The following NRAS variants were observed in gnomAD, a reference collection of about 807,000 sequenced individuals.
NRAS encodes NRAS proto-oncogene, GTPase.
In NRAS, 6 loss-of-function variants were observed where a neutral mutation model predicts 21.3. The ratio of observed to expected loss-of-function variants is 0.28; its 90% CI spans 0.15 to 0.56. NRAS has a LOEUF of 0.56. Among genes scored for constraint, NRAS ranks in the 20% least tolerant of loss-of-function variants. NRAS has a pLI of 0.93. For missense variants in NRAS, 143 were observed against 231.3 expected (o/e 0.62, Z 2.48); for synonymous variants, 84 against 82.0 (o/e 1.02, Z -0.13).
intron 3 of NRAS, among the ~76,000 whole-genome samples, chr1:114,710,537 AAAGAG>A (rs1291145427): frequency 2.0e-5 from 3 of 151,292 alleles, no homozygotes; most frequent in Non-Finnish European, 4.4e-5. Flanking sequence ...AAAGAAAAGA[AAAGAG>A]AAAAGAAAAA....
rs758182152 is a variant in NRAS, at chr1:114,713,924, G to A, written c.166C>T (p.Leu56=). 1.9e-6 allele frequency: 3 copies of A among 1,569,048 alleles called. No individual in the cohort carries two copies. Among genetic ancestry groups the A allele is most frequent in the South Asian group, 2.2e-5 (2 of 90,320 alleles). The part of the protein sequence containing the change: ...IDGETCLLDI[L]DTAGQEEYSA... ...TACTCTTCTTGTCCAGCTGTATCCA[G>A]TATGTCCAACAAACAGGTTTCACCA... is the stretch of plus-strand genomic sequence containing the variant. The change falls in exon 3 of 7, where the codon CTG becomes TTG. Residue 56 remains leucine (L), a synonymous_variant. Transcript: ENST00000369535.
rs200604652 is a variant in NRAS, at chr1:114,713,984, G to T, written c.112-6C>A. 6.3e-7 allele frequency: 1 copy of T among 1,583,996 alleles called. No individual in the cohort carries two copies. The highest frequency in any genetic ancestry group is 1.1e-5 in the South Asian group (1 of 89,546). On this transcript the variant is annotated splice_polypyrimidine_tract_variant and splice_region_variant and intron_variant, in intron 2 of 6. Transcript: ENST00000369535. ...ACTTGTTTTCTGTAAGAATCCTGGG[G>T]GTGTGGAGGGTAAGGGGGCAGGGAG...
At chr1:114,716,011 GAGAC>G (rs1344656658) in intron 2 of NRAS, 35 bp downstream of exon 2, 5 of 1,187,208 alleles carry the variant, frequency 4.2e-6, no homozygotes, top group Non-Finnish European at 6.3e-6. Context: ...CGACAAGTGA[GAGAC>G]AGGATCAGGT....
chr1:114,716,327 G>C, intron 1 of NRAS, 150 bp from the exon 2 acceptor site: 1 of 680,876 alleles, frequency 1.5e-6, no homozygotes, highest in Non-Finnish European at 2.7e-6. Flanking sequence ...GATTAATATC[G>C]GCCTCACACT....
intron 5 of NRAS, 114 bp from the exon 6 acceptor site, chr1:114,708,306 T>G (rs1410968585): frequency 8.8e-6 from 5 of 571,016 alleles, no homozygotes; most frequent in Middle Eastern, 3.6e-4. Context: ...AAATAATGTC[T>G]TATAATTTCT....
Position 114,706,986 on chromosome 1 carries a change from G to A in NRAS, c.*1108C>T, listed in dbSNP as rs1658933374. 6.6e-6 allele frequency: 1 copy of A among 152,600 alleles called. No individual in the cohort carries two copies. The highest frequency in any genetic ancestry group is 2.4e-5 in the African/African-American group (1 of 41,432). The allele number at this position is 152,600 out of a possible 1,614,324, so 9.5% of individuals were successfully genotyped here. On this transcript the variant is annotated 3_prime_UTR_variant, in exon 7 of 7. Transcript: ENST00000369535. The stretch of plus-strand genomic sequence containing the variant: ...TGTAATTTGTTAATATACTATATTT[G>A]AGGTTTGAAAATCACTGATCACAGC...
intron 3 of NRAS, among the ~76,000 whole-genome samples, chr1:114,710,269 TTA>T (rs1659016074): frequency 1.2e-5 from 1 of 83,234 alleles, no homozygotes; most frequent in African/African-American, 4.4e-5. Flanking sequence ...AAATATATAT[TTA>T]TATATAATTT....
Position 114,709,670 on chromosome 1 carries a change from T to TA in NRAS, c.348_349insT (p.Lys117Ter). The stretch of plus-strand genomic sequence containing the variant: ...ACTGTCCTTGTTGGCAAATCACACT[T>TA]GTTTCCCACTAGCACCATAGGTACA... On this transcript the variant is annotated frameshift_variant, in exon 4 of 7. Coordinates refer to ENST00000369535, the MANE Select transcript of NRAS (RefSeq NM_002524.5). LOFTEE classifies it high-confidence loss of function. 1 of 1,613,496 alleles carries TA rather than the reference T, an allele frequency of 6.2e-7. No individual in the cohort carries two copies. The highest frequency in any genetic ancestry group is 8.5e-7 in the Non-Finnish European group (1 of 1,179,402).
At chr1:114,716,544 C>T (rs765433432) in intron 1 of NRAS, 114 bp downstream of exon 1, 8 of 352,930 alleles carry the variant, frequency 2.3e-5, no homozygotes, top group Non-Finnish European at 4.4e-5. Context: ...ATGGAAGGAC[C>T]CCCGCCCAAG....
intron 3 of NRAS, among the ~76,000 whole-genome samples, chr1:114,711,018 G>A (rs1659033373): frequency 6.6e-6 from 1 of 152,168 alleles, no homozygotes. Flanking sequence ...ATAAATTGTA[G>A]ATGAAGCTGG....
At chr1:114,713,752 T>C (rs2101741619) in intron 3 of NRAS, 48 bp downstream of exon 3, 1 of 1,491,778 alleles carries the variant, frequency 6.7e-7, no homozygotes, top group African/African-American at 1.4e-5. Flanking sequence ...CCCATAAAGA[T>C]TCAGAACACA....
intron 2 of NRAS, 80 bp from the exon 3 acceptor site, chr1:114,714,058 T>C (rs984691435): frequency 2.0e-5 from 18 of 905,966 alleles, no homozygotes; most frequent in Non-Finnish European, 2.7e-5. Flanking sequence ...GCAATGCTAT[T>C]GCCAAGGTTA....
intron 3 of NRAS, among the ~76,000 whole-genome samples, chr1:114,710,538 A>G (rs187191606): frequency 6.6e-6 from 1 of 151,548 alleles, no homozygotes; most frequent in East Asian, 1.9e-4. Flanking sequence ...AAGAAAAGAA[A>G]AGAGAAAAGA....
Position 114,707,482 on chromosome 1 carries a change from G to C in NRAS, c.*612C>G, listed in dbSNP as rs935328035. 3.3e-5 allele frequency: 5 copies of C among 152,540 alleles called. No individual in the cohort carries two copies. The highest frequency in any genetic ancestry group is 2.6e-4 in the Admixed American group (4 of 15,276). 9.4% of individuals were successfully genotyped at this position (152,540 alleles called of 1,614,324 possible). On this transcript the variant is annotated 3_prime_UTR_variant, in exon 7 of 7. Transcript: ENST00000369535. The stretch of plus-strand genomic sequence containing the variant: ...CACTGTGAAAGTTGGATTTAATTAC[G>C]TCAAAGTTGTGAAGACTAGGATAGA...
chr1:114,709,793 T>C (rs1369189537), intron 3 of NRAS, 65 bp from the exon 4 acceptor site: 5 of 1,347,958 alleles, frequency 3.7e-6, no homozygotes, highest in Middle Eastern at 1.9e-4. Flanking sequence ...CAGTGGCTCA[T>C]GCCTGCAATC....
At chr1:114,716,363 CA>C (rs1659167479) in intron 1 of NRAS, among the ~76,000 whole-genome samples, 186 bp from the exon 2 acceptor site, 1 of 152,188 alleles carries the variant, frequency 6.6e-6, no homozygotes, top group South Asian at 2.1e-4. Context: ...TAGCAACCCC[CA>C]TCCTTAGCTA....
At chr1:114,716,572 A>G in intron 1 of NRAS, 86 bp downstream of exon 1, 1 of 335,378 alleles carries the variant, frequency 3.0e-6, no homozygotes, top group Non-Finnish European at 5.8e-6. Context: ...TCTCCAGCTG[A>G]TAGATTCTGC....
rs1430947551 is a variant in NRAS at position 114,708,574 on chromosome 1, C to T, written c.531G>A (p.Gly177=). ...RMKKLNSSDD[G]TQGCMGLPCV... is the part of the protein sequence containing the mutation. ...ATGGCAATCCCATACAACCCTGAGT[C>T]CCATCATCACTGCTGTTGAGTTTTT... is the stretch of plus-strand genomic sequence containing the variant. The change falls in exon 5 of 7, where the codon GGG becomes GGA. Residue 177 remains glycine (G), a synonymous_variant. Coordinates refer to ENST00000369535, the MANE Select transcript of NRAS (RefSeq NM_002524.5). The T allele has an allele frequency of 3.7e-6, 6 of 1,613,248 alleles. No individual in the cohort carries two copies. The South Asian group carries it at 6.6e-5, about 18-fold the overall frequency.
Position 114,709,629 on chromosome 1 carries a change from G to A in NRAS, c.390C>T (p.Ala130=), listed in dbSNP as rs2101738763. ...TCCCGTAACTCTTGGCCAGTTCGTG[G>A]GCTTGTTTTGTATCAACTGTCCTTG... is the stretch of plus-strand genomic sequence containing the variant. ...LPTRTVDTKQ[A]HELAKSYGIP... is the part of the protein sequence containing the mutation. Residue 130 remains alanine, a synonymous_variant, in exon 4 of 7, where the codon GCC becomes GCT. Coordinates refer to ENST00000369535, the MANE Select transcript of NRAS (RefSeq NM_002524.5). 1.9e-6 allele frequency: 3 copies of A among 1,613,900 alleles called. No homozygotes were observed. Among genetic ancestry groups the A allele is most frequent in the Non-Finnish European group, 2.5e-6 (3 of 1,179,852 alleles).
Sources: allele counts gnomAD v4.1 joint callset (sites outside exome capture counted in the v4.1 genomes callset), GRCh38; gene constraint gnomAD v4.1.1; transcripts MANE v1.5; gene names NCBI Gene and HGNC (gene_info 2026-07-23, HGNC 2026-07-21).